BABAM2: variants seen among roughly 807,000 people sequenced by gnomAD.
The protein encoded by BABAM2 is BRISC and BRCA1 A complex member 2.
BABAM2 carries 31 observed loss-of-function variants against 54.7 expected under a neutral mutation model. The ratio of observed to expected loss-of-function variants is 0.57; its 90% CI spans 0.43 to 0.77. The LOEUF is 0.77. Among genes scored for constraint, BABAM2 ranks in the 30% least tolerant of loss-of-function variants. BABAM2 has a pLI of 0.00. For missense variants in BABAM2, 364 were observed against 455.8 expected, an observed-to-expected ratio of 0.80 and a Z score of 1.83; for synonymous variants, 167 against 162.9, an observed-to-expected ratio of 1.03 and a Z score of -0.19.
intron 10 of BABAM2, among the ~76,000 whole-genome samples, chr2:28,283,855 T>C (rs1686583259): frequency 1.3e-5 from 2 of 152,188 alleles, no homozygotes; most frequent in Admixed American, 1.3e-4. Context: ...GTCCATTTTA[T>C]AGAGATTTTT....
Position 28,322,547 on chromosome 2 carries a change from G to A in BABAM2, c.1089-15903G>A, listed in dbSNP as rs1690108967. Among the ~76,000 whole-genome samples the A allele has an allele frequency of 6.6e-6, 1 of 152,248 alleles. No homozygotes were observed. The highest frequency in any genetic ancestry group is 2.1e-4 in the South Asian group (1 of 4,832). On this transcript the variant is annotated intron_variant, in intron 11 of 11. Coordinates refer to ENST00000379624, the MANE Select transcript of BABAM2 (RefSeq NM_199191.3). The surrounding 1 kb of genome is among the most constrained non-coding windows in gnomAD (Gnocchi z 4.1). ...GTGCTGCTGGGCCAAGCCCTGCCTTGAACAAGATCCTGAGGTCTCGCCCAA... is the reference window on the plus strand; with the variant it reads ...GTGCTGCTGGGCCAAGCCCTGCCTTAAACAAGATCCTGAGGTCTCGCCCAA...
chr2:28,274,821 A>T (rs1405418819), intron 10 of BABAM2, among the ~76,000 whole-genome samples: 2 of 152,172 alleles, frequency 1.3e-5, no homozygotes, highest in Non-Finnish European at 2.9e-5. Flanking sequence ...CCTGAGAGGT[A>T]AATGGTGTGA....
chr2:28,306,995 CTTTTTTTTT>C (rs143177903), intron 11 of BABAM2, among the ~76,000 whole-genome samples: 3 of 26,396 alleles, frequency 1.1e-4, no homozygotes, highest in African/African-American at 4.1e-4. Flanking sequence ...CACACCTGGC[CTTTTTTTTT>C]TTTTTTTTTT....
At chr2:28,120,449 A>G (rs1668974012) in intron 6 of BABAM2, among the ~76,000 whole-genome samples, 1 of 152,180 alleles carries the variant, frequency 6.6e-6, no homozygotes, top group South Asian at 2.1e-4. Context: ...AGGATATAGT[A>G]TCATGATTAA....
intron 6 of BABAM2, among the ~76,000 whole-genome samples, chr2:28,076,262 A>C (rs1301130265): frequency 6.6e-6 from 1 of 152,100 alleles, no homozygotes; most frequent in Non-Finnish European, 1.5e-5. Flanking sequence ...TGGCAGAGCA[A>C]AACCCTTTCT....
chr2:28,013,726 CACACGTGTGTGTGTGT>C (rs1366326325), intron 4 of BABAM2, among the ~76,000 whole-genome samples: 2 of 141,170 alleles, frequency 1.4e-5, no homozygotes, highest in Admixed American at 7.0e-5. Context: ...CACACACACA[CACACGTGTGTGTGTGT>C]ACACGTGGCT....
intron 7 of BABAM2, among the ~76,000 whole-genome samples, chr2:28,223,743 G>A (rs377087899): frequency 1.9e-4 from 29 of 152,336 alleles, no homozygotes; most frequent in African/African-American, 6.7e-4. Context: ...TCTGAGGATA[G>A]AAGATTCCTT....
intron 7 of BABAM2, among the ~76,000 whole-genome samples, chr2:28,222,378 G>C (rs1015020258): frequency 1.3e-5 from 2 of 152,026 alleles, no homozygotes; most frequent in African/African-American, 4.8e-5. Flanking sequence ...TGCCATACAG[G>C]GTAAAACAGT....
chr2:28,200,729 G>C (rs192926857), intron 7 of BABAM2, among the ~76,000 whole-genome samples: 7 of 151,066 alleles, frequency 4.6e-5, no homozygotes, highest in Non-Finnish European at 1.0e-4. Flanking sequence ...TCTATGCTAT[G>C]TACTAGTTTA....
intron 4 of BABAM2, among the ~76,000 whole-genome samples, chr2:27,997,294 A>G (rs1436655093): frequency 6.6e-6 from 1 of 152,178 alleles, no homozygotes; most frequent in Non-Finnish European, 1.5e-5. Context: ...TCATCAGTAA[A>G]TGACCCAAGA....
At chr2:28,147,661 G>C (rs1373733901) in intron 7 of BABAM2, among the ~76,000 whole-genome samples, 1 of 152,074 alleles carries the variant, frequency 6.6e-6, no homozygotes, top group African/African-American at 2.4e-5. Context: ...TTTTAATAGA[G>C]ACGGGGTTTC....
chr2:27,889,707 T>C (rs1037953026), upstream of BABAM2, among the ~76,000 whole-genome samples: 5 of 152,230 alleles, frequency 3.3e-5, no homozygotes, highest in Non-Finnish European at 4.4e-5. Flanking sequence ...GCTGTAAATA[T>C]AAAATACTGC....
chr2:27,980,403 T>C (rs1671915823), intron 3 of BABAM2, among the ~76,000 whole-genome samples: 1 of 152,220 alleles, frequency 6.6e-6, no homozygotes, highest in South Asian at 2.1e-4. Context: ...AGGTACTATG[T>C]TTTCTACTTC....
At chr2:28,168,931 T>C (rs936375691) in intron 7 of BABAM2, among the ~76,000 whole-genome samples, 4 of 152,160 alleles carry the variant, frequency 2.6e-5, no homozygotes, top group Non-Finnish European at 5.9e-5. Context: ...GAGGGCTGAG[T>C]CCTGCTACTT....
At chr2:27,987,864 G>T in intron 3 of BABAM2, 129 bp from the exon 4 acceptor site, 1 of 732,502 alleles carries the variant, frequency 1.4e-6, no homozygotes, top group East Asian at 2.7e-5. Flanking sequence ...TTAATCATCT[G>T]GAAAGTGCTT....
intron 6 of BABAM2, among the ~76,000 whole-genome samples, chr2:28,081,679 C>T (rs139534942): frequency 4.6e-4 from 70 of 152,238 alleles, no homozygotes; most frequent in Middle Eastern, 3.4e-3. Context: ...CCTCTGTTTC[C>T]CTCACTTCAG....
chr2:28,308,507 C>T, intron 11 of BABAM2: 1 of 524,704 alleles, frequency 1.9e-6, no homozygotes, highest in Non-Finnish European at 3.8e-6. Context: ...TGAAGAAGCT[C>T]AGTGACACTG....
intron 4 of BABAM2, among the ~76,000 whole-genome samples, chr2:27,990,457 T>A (rs1306296022): frequency 1.3e-5 from 2 of 152,196 alleles, no homozygotes; most frequent in Non-Finnish European, 1.5e-5. Flanking sequence ...ATAACCTGAC[T>A]AGTCTACATA....
chr2:27,905,716 G>A (rs967665025), intron 2 of BABAM2, among the ~76,000 whole-genome samples: 3 of 152,178 alleles, frequency 2.0e-5, no homozygotes, highest in Non-Finnish European at 4.4e-5. Context: ...GGCAAGCAGA[G>A]CAAAACAGGA....
Sources: gnomAD v4.1 joint callset for allele counts (sites outside exome capture counted in the v4.1 genomes callset) on GRCh38, gnomAD v4.1.1 for gene constraint, Gnocchi (gnomAD v3.1) non-coding constraint, MANE v1.5 for transcripts, NCBI Gene and HGNC (gene_info 2026-07-23, HGNC 2026-07-21) for gene names.